The following BTBD9 variants were observed in gnomAD, a reference collection of about 807,000 sequenced individuals.
BTBD9 encodes the protein BTB/POZ domain-containing protein 9.
A neutral mutation model predicts 64.3 loss-of-function variants in BTBD9; 49 were observed. The ratio of observed to expected loss-of-function variants is 0.76; its 90% CI spans 0.61 to 0.97. BTBD9 has a LOEUF of 0.97. Among genes scored for constraint, BTBD9 ranks in the 50% least tolerant of loss-of-function variants. BTBD9 has a pLI of 0.00. For missense variants in BTBD9, 598 were observed against 762.1 expected (o/e 0.78, Z 2.53); for synonymous variants, 260 against 274.7 (o/e 0.95, Z 0.53).
intron 6 of BTBD9, among the ~76,000 whole-genome samples, chr6:38,551,422 C>A (rs941414103): frequency 7.2e-5 from 11 of 152,162 alleles, no homozygotes; most frequent in African/African-American, 2.7e-4. Context: ...GGAAATGAGA[C>A]TAGCAAAGTA....
chr6:38,226,502 T>C (rs1293986797), intron 9 of BTBD9, among the ~76,000 whole-genome samples: 1 of 152,204 alleles, frequency 6.6e-6, no homozygotes, highest in African/African-American at 2.4e-5. Flanking sequence ...TCACAGAGAA[T>C]CTCTAGCTCT....
intron 6 of BTBD9, among the ~76,000 whole-genome samples, chr6:38,384,882 G>C (rs1766087209): frequency 6.6e-6 from 1 of 152,006 alleles, no homozygotes; most frequent in South Asian, 2.1e-4. Context: ...GGGAAAGCAA[G>C]TTCTGTCCAG....
intron 8 of BTBD9, among the ~76,000 whole-genome samples, chr6:38,275,672 T>A (rs929568206): frequency 2.6e-5 from 4 of 152,074 alleles, no homozygotes; most frequent in Admixed American, 1.3e-4. Context: ...AACAACTCCA[T>A]CAAAAAGTGG....
chr6:38,267,572 G>A (rs1480165794), intron 8 of BTBD9, among the ~76,000 whole-genome samples: 1 of 152,154 alleles, frequency 6.6e-6, no homozygotes, highest in Non-Finnish European at 1.5e-5. Context: ...TACAGTGCAG[G>A]GACCACGCAT....
intron 1 of BTBD9, chr6:38,613,074 A>G (rs1777664774): frequency 6.6e-6 from 1 of 152,208 alleles, no homozygotes; most frequent in Non-Finnish European, 1.5e-5. Flanking sequence ...AAGACTTACT[A>G]AAAAAAGAAA....
At chr6:38,630,424 A>AT (rs1363428877) in intron 1 of BTBD9, among the ~76,000 whole-genome samples, 2 of 152,232 alleles carry the variant, frequency 1.3e-5, no homozygotes, top group Non-Finnish European at 2.9e-5. Flanking sequence ...AAAACAGTTA[A>AT]TAAGAGAATA....
chr6:38,368,147 T>C (rs112322410), intron 6 of BTBD9, among the ~76,000 whole-genome samples: 7,386 of 152,300 alleles, frequency 0.048, 258 homozygotes, highest in Admixed American at 0.073. Flanking sequence ...TTAAGACATT[T>C]TTAATCACTC....
At chr6:38,419,642 G>T (rs564690297) in intron 6 of BTBD9, among the ~76,000 whole-genome samples, 1 of 152,068 alleles carries the variant, frequency 6.6e-6, no homozygotes, top group East Asian at 1.9e-4. Context: ...AGGCCGAGGC[G>T]GGCGGATCAC....
chr6:38,186,681 C>T (rs1761833862), intron 10 of BTBD9, among the ~76,000 whole-genome samples: 1 of 152,168 alleles, frequency 6.6e-6, no homozygotes, highest in South Asian at 2.1e-4. Flanking sequence ...ATGACACAGC[C>T]TCTCTCCTCA....
intron 6 of BTBD9, among the ~76,000 whole-genome samples, chr6:38,372,356 T>G (rs1765460489): frequency 6.6e-6 from 1 of 152,214 alleles, no homozygotes; most frequent in Admixed American, 6.5e-5. Context: ...TGAGGAACAC[T>G]AATTTGTCAC....
intron 6 of BTBD9, among the ~76,000 whole-genome samples, chr6:38,348,584 A>C (rs547210380): frequency 1.3e-5 from 2 of 152,336 alleles, no homozygotes; most frequent in South Asian, 4.1e-4. Flanking sequence ...AACGCTGTCC[A>C]CGTGAGCCAT....
intron 6 of BTBD9, chr6:38,402,913 G>A (rs1766998163): frequency 1.5e-5 from 10 of 672,046 alleles, no homozygotes; most frequent in Admixed American, 6.9e-5. Flanking sequence ...ACTAAAATTA[G>A]AAAAAAAAAT....
At chr6:38,385,794 CTTTT>C (rs34019950) in intron 6 of BTBD9, among the ~76,000 whole-genome samples, 1 of 129,422 alleles carries the variant, frequency 7.7e-6, no homozygotes, top group Admixed American at 7.9e-5. Flanking sequence ...TAATATCATA[CTTTT>C]TTTTTTTTTT....
intron 6 of BTBD9, among the ~76,000 whole-genome samples, chr6:38,513,003 T>C (rs1772841958): frequency 6.6e-6 from 1 of 152,168 alleles, no homozygotes; most frequent in South Asian, 2.1e-4. Context: ...CTTAAATGGG[T>C]TGGACCATAC....
intron 2 of BTBD9, among the ~76,000 whole-genome samples, chr6:38,596,800 CAAAA>C (rs751074318): frequency 1.6e-5 from 1 of 61,722 alleles, no homozygotes; most frequent in Admixed American, 1.7e-4. Flanking sequence ...GACTCCGTCT[CAAAA>C]AAAAAAAAAA....
chr6:38,587,273 C>T, intron 4 of BTBD9: 2 of 335,852 alleles, frequency 6.0e-6, no homozygotes, highest in South Asian at 6.3e-5. Context: ...GTGGCCTCCA[C>T]AAGCCCTCTT....
intron 9 of BTBD9, among the ~76,000 whole-genome samples, chr6:38,204,464 T>C (rs1333600683): frequency 6.6e-6 from 1 of 152,202 alleles, no homozygotes; most frequent in Non-Finnish European, 1.5e-5. Flanking sequence ...CAAAGGATCA[T>C]GTATTGTATG....
At chr6:38,500,236 G>A (rs914637623) in intron 6 of BTBD9, among the ~76,000 whole-genome samples, 1 of 151,786 alleles carries the variant, frequency 6.6e-6, no homozygotes, top group South Asian at 2.1e-4. Flanking sequence ...GGGGGATGGA[G>A]GGGGGAGGAA....
rs1050124661 is a variant in BTBD9 at position 38,306,200 on chromosome 6, G to A, written c.1265-17739C>T. 2.2e-4 allele frequency among the ~76,000 whole-genome samples: 34 copies of A among 152,128 alleles called. 1 individual carries two copies. Among genetic ancestry groups the A allele is most frequent in the Admixed American group, 6.6e-5 (1 of 15,260 alleles). Reference sequence around the variant, plus strand: ...ATTTATTAAAAACACCATCTGGATGGGACTGAGCTTTCTGCTCTATTTCTA... The same window carrying A: ...ATTTATTAAAAACACCATCTGGATGAGACTGAGCTTTCTGCTCTATTTCTA... On this transcript the variant is annotated intron_variant, in intron 7 of 10. Transcript: ENST00000481247.
Sources: gnomAD v4.1 joint callset for allele counts (sites outside exome capture counted in the v4.1 genomes callset) on GRCh38, gnomAD v4.1.1 for gene constraint, MANE v1.5 for transcripts, NCBI Gene and HGNC (gene_info 2026-07-23, HGNC 2026-07-21) for gene names.